The following MTUS2 variants were observed in gnomAD, a reference collection of about 807,000 sequenced individuals.
MTUS2 encodes microtubule-associated tumor suppressor candidate 2.
Under a neutral mutation model 114.1 loss-of-function variants are expected in MTUS2, and 40 were observed. The ratio of observed to expected loss-of-function variants is 0.35; its 90% CI spans 0.27 to 0.46. The LOEUF is 0.46. Among genes scored for constraint, MTUS2 ranks in the 20% least tolerant of loss-of-function variants. MTUS2 has a pLI of 1.00. For missense variants in MTUS2, 1,679 were observed against 1,705.4 expected, an observed-to-expected ratio of 0.98 and a Z score of 0.27; for synonymous variants, 688 against 672.0, an observed-to-expected ratio of 1.02 and a Z score of -0.37.
intron 2 of MTUS2, among the ~76,000 whole-genome samples, chr13:28,991,861 A>G (rs1884873646): frequency 1.3e-5 from 2 of 152,106 alleles, no homozygotes; most frequent in South Asian, 4.1e-4. Context: ...GGTCCACAGC[A>G]GTTACCTCTG....
chr13:29,164,905 G>T (rs1157332561), intron 5 of MTUS2, among the ~76,000 whole-genome samples: 1 of 152,126 alleles, frequency 6.6e-6, no homozygotes, highest in East Asian at 1.9e-4. Context: ...CTGAAATTAT[G>T]GGAAAGGGCT....
chr13:28,983,265 A>G (rs1399275632), intron 2 of MTUS2, among the ~76,000 whole-genome samples: 1 of 152,146 alleles, frequency 6.6e-6, no homozygotes, highest in Non-Finnish European at 1.5e-5. Context: ...CATCACTTGC[A>G]TGACCATCAA....
chr13:29,495,416 A>C (rs1272357564), intron 12 of MTUS2, among the ~76,000 whole-genome samples: 1 of 151,674 alleles, frequency 6.6e-6, no homozygotes, highest in African/African-American at 2.4e-5. Flanking sequence ...AAAGAGGAAA[A>C]GAAACCTACT....
chr13:29,254,697 C>G (rs1897238683), intron 5 of MTUS2, among the ~76,000 whole-genome samples: 1 of 152,238 alleles, frequency 6.6e-6, no homozygotes, highest in South Asian at 2.1e-4. Context: ...ACCTCCAATT[C>G]ATTTAGCTTT....
chr13:29,414,483 AAAAAG>A (rs1259593717), intron 8 of MTUS2, among the ~76,000 whole-genome samples: 25 of 151,002 alleles, frequency 1.7e-4, no homozygotes, highest in Middle Eastern at 3.4e-3. Context: ...AAAAAAAAAA[AAAAAG>A]AAGACTGTAG....
chr13:28,830,607 G>A (rs1033956512), intron 1 of MTUS2, among the ~76,000 whole-genome samples: 8 of 151,982 alleles, frequency 5.3e-5, no homozygotes, highest in African/African-American at 1.7e-4. Context: ...ATACTATGAG[G>A]AACAGAAAGT....
In MTUS2 at chr13:29,033,512, A is replaced by G. The variant is rs148810354; in HGVS notation, c.2206-373A>G. Among the ~76,000 whole-genome samples, 571 of 152,288 alleles carry G rather than the reference A, an allele frequency of 3.7e-3. 2 individuals carry two copies. The highest frequency in any genetic ancestry group is 0.013 in the African/African-American group (544 of 41,548). On this transcript the variant is annotated intron_variant, in intron 3 of 15. Coordinates refer to ENST00000612955, the MANE Select transcript of MTUS2 (RefSeq NM_001033602.4). ...ACAGCTTTTTTCCCACAGGTATAAT[A>G]AAACTTTCATAATTTTATGAACATT...
chr13:29,175,660 C>G (rs867706191), intron 5 of MTUS2, among the ~76,000 whole-genome samples: 19 of 152,194 alleles, frequency 1.2e-4, no homozygotes, highest in Middle Eastern at 3.4e-3. Context: ...TGCTTTTGGG[C>G]AAGACAATAG....
At chr13:29,309,973 C>T (rs1315800058) in intron 6 of MTUS2, among the ~76,000 whole-genome samples, 2 of 152,094 alleles carry the variant, frequency 1.3e-5, no homozygotes, top group African/African-American at 4.8e-5. Context: ...TTATTGTTGA[C>T]AGTAGTCACC....
At chr13:29,218,936 C>T (rs904250908) in intron 5 of MTUS2, among the ~76,000 whole-genome samples, 1 of 148,472 alleles carries the variant, frequency 6.7e-6, no homozygotes, top group African/African-American at 2.5e-5. Flanking sequence ...CTTAAAGTTT[C>T]CAATTGCATT....
Position 29,369,663 on chromosome 13 carries a change from T to A in MTUS2, c.3117+10190T>A, listed in dbSNP as rs138724660. ...TAACAGTAAAAGTGTATACCTGTGA[T>A]CCAGTCCCTGGAGAGAGTAAAAACA... is the stretch of plus-strand genomic sequence containing the variant. On this transcript the variant is annotated intron_variant, in intron 8 of 15. Coordinates refer to ENST00000612955, the MANE Select transcript of MTUS2 (RefSeq NM_001033602.4). Among the ~76,000 whole-genome samples, 443 of 152,336 alleles carry A rather than the reference T, an allele frequency of 2.9e-3. 1 individual carries two copies. Among genetic ancestry groups the A allele is most frequent in the African/African-American group, 0.01 (424 of 41,578 alleles).
chr13:29,112,938 GTTCT>G (rs974092460), intron 5 of MTUS2, among the ~76,000 whole-genome samples: 2 of 152,140 alleles, frequency 1.3e-5, no homozygotes, highest in Non-Finnish European at 2.9e-5. Flanking sequence ...GCAGGTAATG[GTTCT>G]TTGAGTAATA....
chr13:29,266,059 C>T (rs1429490356), intron 5 of MTUS2, among the ~76,000 whole-genome samples: 1 of 151,950 alleles, frequency 6.6e-6, no homozygotes, highest in Non-Finnish European at 1.5e-5. Context: ...AGATACGAAG[C>T]CATAGGAGGA....
intron 2 of MTUS2, among the ~76,000 whole-genome samples, chr13:28,927,157 T>C (rs1387704572): frequency 6.6e-6 from 1 of 152,220 alleles, no homozygotes; most frequent in African/African-American, 2.4e-5. Flanking sequence ...TTTTTTTGGT[T>C]GATGTAAATA....
intron 5 of MTUS2, among the ~76,000 whole-genome samples, chr13:29,245,988 C>T (rs917799363): frequency 1.6e-4 from 24 of 152,196 alleles, no homozygotes; most frequent in African/African-American, 5.3e-4. Context: ...TGAGCCACCG[C>T]GCCCAGCCTC....
intron 3 of MTUS2, among the ~76,000 whole-genome samples, chr13:29,031,270 G>GTGTGTGGT (rs1555287201): frequency 4.5e-5 from 1 of 22,402 alleles, no homozygotes; most frequent in African/African-American, 1.1e-4. Flanking sequence ...GTGTGTGTGT[G>GTGTGTGGT]GTGTGTGTTC....
intron 2 of MTUS2, among the ~76,000 whole-genome samples, chr13:28,906,154 TATTA>T (rs1879995498): frequency 6.6e-6 from 1 of 151,538 alleles, no homozygotes; most frequent in African/African-American, 2.4e-5. Flanking sequence ...TTTTCTTCTT[TATTA>T]GTCTTGCTAG....
chr13:29,356,289 C>A (rs4608191), intron 7 of MTUS2, among the ~76,000 whole-genome samples: 2 of 152,010 alleles, frequency 1.3e-5, no homozygotes, highest in Non-Finnish European at 2.9e-5. Context: ...CCAGACCCAC[C>A]ATGTGCCCTG....
intron 12 of MTUS2, 145 bp from the exon 13 acceptor site, chr13:29,497,093 C>A: frequency 1.4e-6 from 1 of 689,690 alleles, no homozygotes; most frequent in Non-Finnish European, 2.5e-6. Flanking sequence ...GGGGGCTCTC[C>A]TTTGGCACCT....
Sources: allele counts gnomAD v4.1 joint callset (sites outside exome capture counted in the v4.1 genomes callset), GRCh38; gene constraint gnomAD v4.1.1; transcripts MANE v1.5; gene names NCBI Gene and HGNC (gene_info 2026-07-23, HGNC 2026-07-21).